The following CDH12 variants were observed in gnomAD, a reference collection of about 807,000 sequenced individuals.
CDH12 encodes the protein cadherin 12.
CDH12 carries 41 observed loss-of-function variants against 74.1 expected under a neutral mutation model. That is an observed-to-expected ratio of 0.55 (90% CI 0.43 to 0.72). The LOEUF (loss-of-function observed/expected upper bound fraction) is 0.72, where lower values mean the gene tolerates loss of function less well. CDH12 is among the 30% of genes least tolerant of loss of function. CDH12 has a pLI of 0.00. For missense variants in CDH12, 945 were observed against 977.2 expected, an observed-to-expected ratio of 0.97 and a Z score of 0.44; for synonymous variants, 399 against 355.0, an observed-to-expected ratio of 1.12 and a Z score of -1.39.
chr5:22,806,401 G>A (rs1475035016), intron 1 of CDH12, among the ~76,000 whole-genome samples: 2 of 145,234 alleles, frequency 1.4e-5, no homozygotes, highest in East Asian at 2.0e-4. Context: ...GGCCCAGGCT[G>A]GAGTGCAGTG....
At chr5:21,904,561 G>C (rs1753549852) in intron 6 of CDH12, among the ~76,000 whole-genome samples, 1 of 152,022 alleles carries the variant, frequency 6.6e-6, no homozygotes, top group South Asian at 2.1e-4. Flanking sequence ...TTGAGGCCAG[G>C]AGTTCAAGAC....
At chr5:22,218,598 G>C (rs1047181983) in intron 3 of CDH12, among the ~76,000 whole-genome samples, 1 of 151,684 alleles carries the variant, frequency 6.6e-6, no homozygotes, top group African/African-American at 2.4e-5. Context: ...AAATTGCAGA[G>C]GTCACAAGAA....
At chr5:22,587,562 C>A (rs1051130193) in intron 1 of CDH12, among the ~76,000 whole-genome samples, 4 of 152,114 alleles carry the variant, frequency 2.6e-5, no homozygotes, top group African/African-American at 7.2e-5. Flanking sequence ...GATATGCTGG[C>A]AGCTAAATTA....
chr5:21,879,730 T>C (rs1252934811), intron 6 of CDH12, among the ~76,000 whole-genome samples: 1 of 152,124 alleles, frequency 6.6e-6, no homozygotes. Context: ...AAAAAGAGAT[T>C]AAAAGTTTAA....
chr5:22,446,642 G>A (rs1744826043), intron 2 of CDH12, among the ~76,000 whole-genome samples: 1 of 152,000 alleles, frequency 6.6e-6, no homozygotes, highest in South Asian at 2.1e-4. Flanking sequence ...ATTGCACCTG[G>A]AATGTAGGTA....
intron 1 of CDH12, among the ~76,000 whole-genome samples, chr5:22,741,041 A>G (rs1745001537): frequency 6.6e-6 from 1 of 152,196 alleles, no homozygotes; most frequent in South Asian, 2.1e-4. Context: ...AAAGTAGAAG[A>G]GAATTTAGAA....
chr5:22,393,956 A>T (rs1394165683), intron 3 of CDH12, among the ~76,000 whole-genome samples: 1 of 152,138 alleles, frequency 6.6e-6, no homozygotes, highest in African/African-American at 2.4e-5. Flanking sequence ...TTAAGAGTGC[A>T]GCCTGTTTTT....
At chr5:21,800,032 G>A (rs1417884740) in intron 10 of CDH12, among the ~76,000 whole-genome samples, 5 of 152,198 alleles carry the variant, frequency 3.3e-5, no homozygotes, top group Non-Finnish European at 7.4e-5. Context: ...AGTTTCCCCT[G>A]TTAGGTTTTG....
chr5:22,477,651 G>C (rs1471074986), intron 2 of CDH12, among the ~76,000 whole-genome samples: 1 of 152,126 alleles, frequency 6.6e-6, no homozygotes, highest in African/African-American at 2.4e-5. Context: ...GGTCTTTGAG[G>C]AGCCACTACA....
chr5:22,133,472 T>G (rs934695902), intron 4 of CDH12, among the ~76,000 whole-genome samples: 1 of 152,136 alleles, frequency 6.6e-6, no homozygotes, highest in Middle Eastern at 3.2e-3. Context: ...TCAGCCTTTC[T>G]GAGGCACTGA....
At chr5:21,970,510 C>T (rs1186689587) in intron 6 of CDH12, among the ~76,000 whole-genome samples, 2 of 152,044 alleles carry the variant, frequency 1.3e-5, no homozygotes, top group Admixed American at 6.6e-5. Flanking sequence ...CTTCACTTTT[C>T]CTTCTTAGAC....
At chr5:22,332,063 G>A (rs1739373360) in intron 3 of CDH12, among the ~76,000 whole-genome samples, 1 of 152,122 alleles carries the variant, frequency 6.6e-6, no homozygotes, top group Non-Finnish European at 1.5e-5. Context: ...TTAAAAAGGA[G>A]ATAGAGAAAA....
chr5:22,102,086 A>C (rs1744169468), intron 4 of CDH12, among the ~76,000 whole-genome samples: 1 of 152,196 alleles, frequency 6.6e-6, no homozygotes, highest in Non-Finnish European at 1.5e-5. Flanking sequence ...GTGAAGTGAA[A>C]ATATATATTT....
intron 6 of CDH12, chr5:21,882,696 G>A (rs1188345373): frequency 1.2e-5 from 18 of 1,547,632 alleles, no homozygotes; most frequent in Admixed American, 3.9e-5. Context: ...GCAGATGCCC[G>A]AGCCTTAATG....
intron 6 of CDH12, among the ~76,000 whole-genome samples, chr5:21,962,988 G>A (rs1475818251): frequency 1.3e-5 from 2 of 152,024 alleles, no homozygotes; most frequent in Non-Finnish European, 2.9e-5. Context: ...TCTGGCTTCT[G>A]TAGGCCTACC....
intron 1 of CDH12, among the ~76,000 whole-genome samples, chr5:22,566,816 C>G (rs1024949443): frequency 6.6e-6 from 1 of 152,156 alleles, no homozygotes; most frequent in Non-Finnish European, 1.5e-5. Flanking sequence ...ACTGTGATCT[C>G]TATGTCTCAT....
At chr5:22,322,278 G>A (rs886143461) in intron 3 of CDH12, among the ~76,000 whole-genome samples, 1 of 151,662 alleles carries the variant, frequency 6.6e-6, no homozygotes, top group Non-Finnish European at 1.5e-5. Context: ...TTAAGGCCAA[G>A]CATTAAAAAG....
At position 22,129,147 on chromosome 5, in the gene CDH12, T is replaced by C. The variant is rs1413951342; in HGVS notation, c.-186-50285A>G. On this transcript the variant is annotated intron_variant, in intron 4 of 14. Coordinates refer to ENST00000382254, the MANE Select transcript of CDH12 (RefSeq NM_004061.5). ...AGTTGTATAAAAAATAAATTAAATGTAGGATAATAAAGGTAGTGTATTAAA... is the reference window on the plus strand; with the variant it reads ...AGTTGTATAAAAAATAAATTAAATGCAGGATAATAAAGGTAGTGTATTAAA... Among the ~76,000 whole-genome samples the C allele has an allele frequency of 2.6e-5, 4 of 152,264 alleles. No homozygotes were observed. The East Asian group carries it at 5.8e-4, about 22-fold the overall frequency.
chr5:22,512,041 T>A (rs968179067), intron 1 of CDH12, among the ~76,000 whole-genome samples: 13 of 152,014 alleles, frequency 8.6e-5, no homozygotes, highest in Non-Finnish European at 1.5e-4. Flanking sequence ...TTTGCTTTAT[T>A]ATATCATAGT....
Sources: allele counts gnomAD v4.1 joint callset (sites outside exome capture counted in the v4.1 genomes callset), GRCh38; gene constraint gnomAD v4.1.1; transcripts MANE v1.5; gene names NCBI Gene and HGNC (gene_info 2026-07-23, HGNC 2026-07-21).